The following RFX3 variants were observed in gnomAD, a reference collection of about 807,000 sequenced individuals.
RFX3 encodes regulatory factor X3.
RFX3 carries 14 observed loss-of-function variants against 98.6 expected under a neutral mutation model. The observed-to-expected ratio is 0.14, with a 90% CI of 0.09 to 0.22. RFX3 has a LOEUF of 0.22. Among genes scored for constraint, RFX3 ranks in the 10% least tolerant of loss-of-function variants. The probability of loss-of-function intolerance (pLI) is 1.00; values close to 1 mark genes in which losing one functional copy is unlikely to be tolerated. For missense variants in RFX3, 639 were observed against 926.9 expected (o/e 0.69, Z 4.03); for synonymous variants, 383 against 328.4 (o/e 1.17, Z -1.80).
At chr9:3,445,370 G>A (rs1395339882) in intron 1 of RFX3, among the ~76,000 whole-genome samples, 2 of 152,086 alleles carry the variant, frequency 1.3e-5, no homozygotes. Context: ...AGAAATTTAA[G>A]CAAAACATCT....
chr9:3,415,161 A>C lies in RFX3; in HGVS notation c.-8-19565T>G, dbSNP rs146199949. ...ATCTATATACTATATATATTCTTAT[A>C]TATATATACTTATATATATATACAC... On this transcript the variant is annotated intron_variant, in intron 1 of 16. Coordinates refer to ENST00000617270, the MANE Select transcript of RFX3 (RefSeq NM_001282116.2). Among the ~76,000 whole-genome samples the C allele has an allele frequency of 3.9e-3, 544 of 139,100 alleles. 30 individuals are homozygous for C. In the East Asian group the frequency reaches 0.077, roughly 20 times the overall value. 91.3% of individuals were successfully genotyped at this position (139,100 alleles called of 152,430 possible).
intron 1 of RFX3, among the ~76,000 whole-genome samples, chr9:3,522,726 T>A (rs568307553): frequency 2.8e-4 from 42 of 152,170 alleles, no homozygotes; most frequent in Admixed American, 1.6e-3. Context: ...ACCAACACAA[T>A]ATCAACTTTC....
chr9:3,277,226 C>T (rs1250116981), intron 8 of RFX3, 114 bp downstream of exon 8: 1 of 1,061,214 alleles, frequency 9.4e-7, no homozygotes, highest in Non-Finnish European at 1.4e-6. Flanking sequence ...ATAATTTTGG[C>T]ACCAAAAAAA....
At chr9:3,319,685 G>T (rs940496077) in intron 4 of RFX3, among the ~76,000 whole-genome samples, 1 of 152,074 alleles carries the variant, frequency 6.6e-6, no homozygotes, top group African/African-American at 2.4e-5. Context: ...ACCCTAAAAA[G>T]AAGTCTGGAG....
At chr9:3,375,754 A>G (rs761763406) in intron 2 of RFX3, among the ~76,000 whole-genome samples, 7 of 152,128 alleles carry the variant, frequency 4.6e-5, no homozygotes, top group African/African-American at 7.2e-5. Context: ...AGGTCAGGAG[A>G]TCGAGACCAT....
At chr9:3,389,170 G>A (rs936996225) in intron 2 of RFX3, among the ~76,000 whole-genome samples, 3 of 152,124 alleles carry the variant, frequency 2.0e-5, no homozygotes, top group Admixed American at 1.3e-4. Flanking sequence ...GGCTGGCCAT[G>A]GAATAGTAGG....
chr9:3,401,047 T>G (rs929123726), intron 1 of RFX3, among the ~76,000 whole-genome samples: 1 of 152,210 alleles, frequency 6.6e-6, no homozygotes, highest in African/African-American at 2.4e-5. Context: ...TTTGGGGTTC[T>G]CAATCGATAT....
intron 2 of RFX3, among the ~76,000 whole-genome samples, chr9:3,370,186 T>TAAAAAAAA (rs34364552): frequency 1.5e-5 from 2 of 135,542 alleles, no homozygotes; most frequent in Non-Finnish European, 1.6e-5. Context: ...TTCAAATTAT[T>TAAAAAAAA]AAAAAAAAAA....
chr9:3,307,454 G>A (rs1418547358), intron 4 of RFX3, among the ~76,000 whole-genome samples: 1 of 152,086 alleles, frequency 6.6e-6, no homozygotes, highest in East Asian at 1.9e-4. Flanking sequence ...AACCAACTTG[G>A]AAGCTATCAT....
chr9:3,349,791 T>C (rs916334572), intron 2 of RFX3, among the ~76,000 whole-genome samples: 2 of 152,034 alleles, frequency 1.3e-5, no homozygotes, highest in African/African-American at 4.8e-5. Context: ...AACTTAACAA[T>C]ATAGAATAAA....
chr9:3,456,260 C>T (rs1847142513), intron 1 of RFX3, among the ~76,000 whole-genome samples: 1 of 152,196 alleles, frequency 6.6e-6, no homozygotes, highest in Non-Finnish European at 1.5e-5. Context: ...ATGGCAGTGA[C>T]AGTTAAACCA....
intron 1 of RFX3, among the ~76,000 whole-genome samples, chr9:3,421,227 C>T (rs1474273033): frequency 2.0e-5 from 3 of 152,094 alleles, no homozygotes; most frequent in Non-Finnish European, 4.4e-5. Context: ...TAAAGGTTTA[C>T]AGTACGTTCT....
chr9:3,366,535 A>T (rs1193225648), intron 2 of RFX3, among the ~76,000 whole-genome samples: 1 of 152,032 alleles, frequency 6.6e-6, no homozygotes, highest in East Asian at 1.9e-4. Flanking sequence ...GTCTGATATC[A>T]CTCAGTTTTG....
At chr9:3,473,436 A>G (rs891843109) in intron 1 of RFX3, among the ~76,000 whole-genome samples, 3 of 152,222 alleles carry the variant, frequency 2.0e-5, no homozygotes, top group African/African-American at 7.2e-5. Flanking sequence ...ACAGACTAAC[A>G]AAAGTCTAAA....
At chr9:3,279,665 C>A (rs979577453) in intron 7 of RFX3, among the ~76,000 whole-genome samples, 23 of 151,836 alleles carry the variant, frequency 1.5e-4, no homozygotes, top group African/African-American at 5.1e-4. Flanking sequence ...ACAGATGTTA[C>A]ATCACAATCT....
At chr9:3,244,952 T>A (rs1411611848) in intron 15 of RFX3, among the ~76,000 whole-genome samples, 2 of 152,322 alleles carry the variant, frequency 1.3e-5, no homozygotes, top group South Asian at 4.1e-4. Context: ...TAATAAATGA[T>A]AAATCAGTTT....
chr9:3,505,222 T>TATGAATATATATTTATA (rs1554728219), intron 1 of RFX3, among the ~76,000 whole-genome samples: 1 of 55,576 alleles, frequency 1.8e-5, no homozygotes. Flanking sequence ...GAATATATAT[T>TATGAATATATATTTATA]TATATATGAA....
chr9:3,448,163 TAAA>T (rs547748086), intron 1 of RFX3, among the ~76,000 whole-genome samples: 1 of 149,428 alleles, frequency 6.7e-6, no homozygotes, highest in African/African-American at 2.4e-5. Flanking sequence ...ACACATGATT[TAAA>T]AAAAAAAATT....
intron 9 of RFX3, among the ~76,000 whole-genome samples, chr9:3,272,775 T>C (rs1237454774): frequency 6.6e-6 from 1 of 152,144 alleles, no homozygotes; most frequent in Non-Finnish European, 1.5e-5. Flanking sequence ...TTAAAAAAAA[T>C]ATTTCAGCAA....
Sources: gnomAD v4.1 joint callset for allele counts (sites outside exome capture counted in the v4.1 genomes callset) on GRCh38, gnomAD v4.1.1 for gene constraint, MANE v1.5 for transcripts, NCBI Gene and HGNC (gene_info 2026-07-23, HGNC 2026-07-21) for gene names.